SEC61A2: variants seen among roughly 807,000 people sequenced by gnomAD.
The protein encoded by SEC61A2 is protein transport protein Sec61 subunit alpha isoform 2.
Under a neutral mutation model 59.9 loss-of-function variants are expected in SEC61A2, and 28 were observed. The observed-to-expected ratio is 0.47, with a 90% CI of 0.35 to 0.64. The LOEUF (loss-of-function observed/expected upper bound fraction) is 0.64, where lower values mean the gene tolerates loss of function less well. Among genes scored for constraint, SEC61A2 ranks in the 30% least tolerant of loss-of-function variants. SEC61A2 has a pLI of 0.01. For synonymous variants in SEC61A2, 202 were observed against 214.4 expected (o/e 0.94, Z 0.50); for missense variants, 340 against 585.9 (o/e 0.58, Z 4.33).
Position 12,153,688 on chromosome 10 carries a change from G to A in SEC61A2, c.463-2090G>A. On this transcript the variant is annotated intron_variant, in intron 6 of 11. Coordinates refer to ENST00000298428, the MANE Select transcript of SEC61A2 (RefSeq NM_018144.4). This position sits in a 1 kb window ranked among gnomAD's most constrained non-coding sequence, Gnocchi z 5.2. ...TTCTAATGTTAATATATAAAGAGGG[G>A]TGTCATGTTTGATTGTAGGTGGGCA... The A allele has an allele frequency of 6.3e-7, 1 of 1,592,120 alleles. No homozygotes were observed. Among genetic ancestry groups the A allele is most frequent in the Non-Finnish European group, 8.5e-7 (1 of 1,170,552 alleles).
rs1008091560 is a variant in SEC61A2 at position 12,142,891 on chromosome 10, A to G, written c.142-226A>G. ...GATATGCTTGTTTTTGTTGAAGAAC[A>G]TAAGAATAGTTTTTAAAAAAGTATT... On this transcript the variant is annotated intron_variant, in intron 3 of 11. Transcript: ENST00000298428. This position sits in a 1 kb window ranked among gnomAD's most constrained non-coding sequence, Gnocchi z 5.4. 1.3e-5 allele frequency among the ~76,000 whole-genome samples: 2 copies of G among 152,110 alleles called. No individual in the cohort carries two copies. Among genetic ancestry groups the G allele is most frequent in the East Asian group, 3.8e-4 (2 of 5,200 alleles).
At position 12,149,673 on chromosome 10, in the gene SEC61A2, T is replaced by C. The variant is rs1168982736; in HGVS notation, c.299T>C (p.Ile100Thr). 3 of 1,613,876 alleles carry C rather than the reference T, an allele frequency of 1.9e-6. No individual in the cohort carries two copies. The highest frequency in any genetic ancestry group is 1.7e-6 in the Non-Finnish European group (2 of 1,179,958). The change falls in exon 5 of 12, where the codon ATT (isoleucine) becomes ACT (threonine). Residue 100 changes from isoleucine to threonine, a missense_variant. Physicochemically the swap from Ile to Thr is moderately conservative, Grantham distance 89. Coordinates refer to ENST00000298428, the MANE Select transcript of SEC61A2 (RefSeq NM_018144.4). The surrounding 1 kb of genome is among the most constrained non-coding windows in gnomAD (Gnocchi z 5.2). ...CAGTTGTTAGCTGGAGCCAAAATCA[T>C]TGAAGTTGGAGATACACCGAAAGAT... Reference protein sequence around the residue: ...IMQLLAGAKIIEVGDTPKDRA... With the variant: ...IMQLLAGAKITEVGDTPKDRA...
At chr10:12,150,006 A>G (rs773591058) in intron 6 of SEC61A2, 45 bp downstream of exon 6, 60 of 1,318,756 alleles carry the variant, frequency 4.5e-5, no homozygotes, top group Non-Finnish European at 6.3e-5. Flanking sequence ...AAACAGTTTG[A>G]TTCCTTTTTC....
intron 4 of SEC61A2, among the ~76,000 whole-genome samples, chr10:12,147,681 TAA>T (rs59902031): frequency 1.9e-4 from 24 of 125,028 alleles, no homozygotes; most frequent in Admixed American, 2.5e-4. Context: ...AGACTCTGTC[TAA>T]AAAAAAAAAA....
At chr10:12,141,673 A>G (rs1184910906) in intron 3 of SEC61A2, among the ~76,000 whole-genome samples, 1 of 152,148 alleles carries the variant, frequency 6.6e-6, no homozygotes, top group African/African-American at 2.4e-5. Flanking sequence ...CTGTGCATCT[A>G]TTTACAGTGT....
chr10:12,138,968 G>T (rs1474296104), intron 3 of SEC61A2, among the ~76,000 whole-genome samples: 1 of 152,052 alleles, frequency 6.6e-6, no homozygotes, highest in Non-Finnish European at 1.5e-5. Flanking sequence ...TTGTTTGTTT[G>T]TTTGTTTGTT....
At position 12,162,576 on chromosome 10, in the gene SEC61A2, G is replaced by T; in HGVS notation, c.1244+287G>T. On this transcript the variant is annotated intron_variant, in intron 11 of 11. Coordinates refer to ENST00000298428, the MANE Select transcript of SEC61A2 (RefSeq NM_018144.4). The surrounding 1 kb of genome is among the most constrained non-coding windows in gnomAD (Gnocchi z 6.1). ...CAATCACCAGAGAGCTTTTAAAAAG[G>T]ATTTCCCAGGAACTGTGGCTTATTT... 2.0e-6 allele frequency: 1 copy of T among 504,154 alleles called. No individual in the cohort carries two copies. The highest frequency in any genetic ancestry group is 3.7e-6 in the Non-Finnish European group (1 of 270,032). The allele number at this position is 504,154 out of a possible 1,614,324, so 31.2% of individuals were successfully genotyped here. A position where few individuals can be genotyped will look rare whatever the true frequency, so the allele number is the denominator to read the frequency against.
chr10:12,150,127 T>G (rs1834240903), intron 6 of SEC61A2, among the ~76,000 whole-genome samples, 166 bp downstream of exon 6: 1 of 152,260 alleles, frequency 6.6e-6, no homozygotes, highest in Non-Finnish European at 1.5e-5. Flanking sequence ...TTTTAAAACC[T>G]TCTGTCACCG....
chr10:12,135,233 T>G (rs1833858858), intron 2 of SEC61A2, among the ~76,000 whole-genome samples: 1 of 152,014 alleles, frequency 6.6e-6, no homozygotes, highest in South Asian at 2.1e-4. Context: ...AGTTGATAGG[T>G]GCAGCAAACC....
chr10:12,167,991 C>A, downstream of SEC61A2: 3 of 1,149,002 alleles, frequency 2.6e-6, no homozygotes, highest in South Asian at 1.9e-5. Flanking sequence ...GGCAAGATTA[C>A]ATTCCTAGCA....
chr10:12,140,186 C>T (rs1251136890), intron 3 of SEC61A2, among the ~76,000 whole-genome samples: 1 of 152,114 alleles, frequency 6.6e-6, no homozygotes, highest in African/African-American at 2.4e-5. Flanking sequence ...GGTTGACTGT[C>T]TGTAATTGGC....
chr10:12,169,341 A>G (rs775126524), downstream of SEC61A2: 14 of 1,530,116 alleles, frequency 9.1e-6, no homozygotes, highest in Non-Finnish European at 1.2e-5. The surrounding 1 kb of genome is among the most constrained non-coding windows in gnomAD (Gnocchi z 4.8). Context: ...ATAACCCCGC[A>G]CGGCATTTCA....
chr10:12,165,445 A>C (rs1253209752), downstream of SEC61A2: 6 of 821,964 alleles, frequency 7.3e-6, no homozygotes, highest in Non-Finnish European at 8.8e-6. Context: ...CAGTGTATTC[A>C]TAAGAAGTCC....
chr10:12,152,459 C>T lies in SEC61A2; in HGVS notation c.462+2498C>T, dbSNP rs185073280. ...GTGTGTTCGCATTTGGTAGAAGATACGTTTCCTTAAAGAATAACTGTCAGA... is the reference window on the plus strand; with the variant it reads ...GTGTGTTCGCATTTGGTAGAAGATATGTTTCCTTAAAGAATAACTGTCAGA... On this transcript the variant is annotated intron_variant, in intron 6 of 11. Transcript: ENST00000298428. The surrounding 1 kb of genome is among the most constrained non-coding windows in gnomAD (Gnocchi z 5.5). 7.6e-4 allele frequency among the ~76,000 whole-genome samples: 116 copies of T among 152,264 alleles called. No homozygotes were observed. The highest frequency in any genetic ancestry group is 2.7e-3 in the African/African-American group (111 of 41,560).
intron 3 of SEC61A2, among the ~76,000 whole-genome samples, chr10:12,141,582 GA>G (rs1182697959): frequency 6.6e-6 from 1 of 152,154 alleles, no homozygotes; most frequent in Non-Finnish European, 1.5e-5. Context: ...GAATACAGAA[GA>G]AAAAGTCAAC....
chr10:12,163,701 T>G (rs1834588438), intron 11 of SEC61A2, among the ~76,000 whole-genome samples: 1 of 152,100 alleles, frequency 6.6e-6, no homozygotes, highest in South Asian at 2.1e-4. Context: ...TATTTTTCCT[T>G]AAACTTTTTA....
chr10:12,167,836 T>C, downstream of SEC61A2: 1 of 1,612,522 alleles, frequency 6.2e-7, no homozygotes, highest in Non-Finnish European at 8.5e-7. Flanking sequence ...GAAAACAACT[T>C]AGATCATGCC....
downstream of SEC61A2, among the ~76,000 whole-genome samples, chr10:12,168,844 C>A (rs1400748074): frequency 6.6e-6 from 1 of 152,080 alleles, no homozygotes; most frequent in Admixed American, 6.5e-5. The surrounding 1 kb of genome is among the most constrained non-coding windows in gnomAD (Gnocchi z 4.8). Context: ...CTCACTGCAA[C>A]CTGCGCCTCC....
rs1283285590 is a variant in SEC61A2 at position 12,155,886 on chromosome 10, A to G, written c.571A>G (p.Ile191Val). ...TATTGCCACCAACATCTGTGAGACC[A>G]TTGTCTGGAAGGCCTTTAGTCCCAC... ...LFIATNICET[I>V]VWKAFSPTTI... The change falls in exon 7 of 12, where the codon ATT becomes GTT. Residue 191 changes from isoleucine to valine, a missense_variant. Physicochemically the swap from Ile to Val is conservative, Grantham distance 29 (BLOSUM62 3). This residue lies in a region of SEC61A2 where 283 missense variants were observed against 483.2 expected (regional missense o/e 0.59). Coordinates refer to ENST00000298428, the MANE Select transcript of SEC61A2 (RefSeq NM_018144.4). This position sits in a 1 kb window ranked among gnomAD's most constrained non-coding sequence, Gnocchi z 4.3. 2 of 1,614,002 alleles carry G rather than the reference A, an allele frequency of 1.2e-6. No homozygotes were observed. The highest frequency in any genetic ancestry group is 1.7e-5 in the Admixed American group (1 of 59,984).
Sources: allele counts gnomAD v4.1 joint callset (sites outside exome capture counted in the v4.1 genomes callset), GRCh38; gene constraint gnomAD v4.1.1; regional missense constraint gnomAD v4.1.1; non-coding constraint Gnocchi (gnomAD v3.1); transcripts MANE v1.5; gene names NCBI Gene and HGNC (gene_info 2026-07-23, HGNC 2026-07-21).